Variants in TPR observed in about 807,000 individuals in gnomAD.
TPR encodes the protein nucleoprotein TPR.
Under a neutral mutation model 316.1 loss-of-function variants are expected in TPR, and 51 were observed. The observed-to-expected ratio is 0.16, with a 90% CI of 0.13 to 0.20. The LOEUF (loss-of-function observed/expected upper bound fraction) is 0.20. Ranked by LOEUF, TPR falls within the 10% of genes least tolerant of loss-of-function variation. The pLI is 1.00. For missense variants in TPR, 2,272 were observed against 2,754.8 expected, an observed-to-expected ratio of 0.82 and a Z score of 3.92; for synonymous variants, 981 against 914.7, an observed-to-expected ratio of 1.07 and a Z score of -1.31.
intron 12 of TPR, 46 bp downstream of exon 12, chr1:186,359,753 C>G: frequency 6.5e-7 from 1 of 1,538,664 alleles, no homozygotes; most frequent in South Asian, 1.3e-5. Context: ...TAAATCATTT[C>G]TCATTTGTAT....
intron 14 of TPR, among the ~76,000 whole-genome samples, chr1:186,356,886 T>C (rs1216937990): frequency 6.6e-6 from 1 of 152,190 alleles, no homozygotes; most frequent in Non-Finnish European, 1.5e-5. Flanking sequence ...CTAATCACAG[T>C]GAATGCAAAT....
chr1:186,357,737 C>A, intron 13 of TPR, 114 bp from the exon 14 acceptor site: 1 of 787,970 alleles, frequency 1.3e-6, no homozygotes, highest in South Asian at 2.1e-5. Flanking sequence ...ACTTGTACTG[C>A]CTCAAATTAT....
Position 186,375,120 on chromosome 1 carries a change from G to A in TPR, c.-92C>T, listed in dbSNP as rs2101999009. The A allele has an allele frequency of 6.4e-7, 1 of 1,564,552 alleles. No homozygotes were observed. Among genetic ancestry groups the A allele is most frequent in the Non-Finnish European group, 8.7e-7 (1 of 1,155,680 alleles). ...CCAGCAGGACCCAGACGCCTGGGCC[G>A]CCGCCTCTATCACCTCGCTCGGTGG... On this transcript the variant is annotated 5_prime_UTR_variant, in exon 1 of 51. Coordinates refer to ENST00000367478, the MANE Select transcript of TPR (RefSeq NM_003292.3).
chr1:186,320,662 C>T (rs1657751185), intron 45 of TPR, among the ~76,000 whole-genome samples: 1 of 152,162 alleles, frequency 6.6e-6, no homozygotes, highest in Non-Finnish European at 1.5e-5. Context: ...TTTCAGCTCT[C>T]CTGAACTATG....
At chr1:186,341,682 CT>C (rs1188915996) in intron 27 of TPR, 4 of 256,290 alleles carry the variant, frequency 1.6e-5, no homozygotes, top group East Asian at 8.1e-5. Flanking sequence ...CTTTCTGTAT[CT>C]TTTTTTCCTT....
chr1:186,336,797 G>C, intron 32 of TPR, 103 bp from the exon 33 acceptor site: 2 of 1,363,222 alleles, frequency 1.5e-6, no homozygotes, highest in Non-Finnish European at 9.9e-7. Flanking sequence ...CTTTTTAAAA[G>C]ATTAAATGGA....
rs754244299 is a variant in TPR, at chr1:186,355,685, G to A, written c.1972C>T (p.Pro658Ser). The A allele has an allele frequency of 2.5e-6, 4 of 1,614,126 alleles. No individual in the cohort carries two copies. The highest frequency in any genetic ancestry group is 3.3e-5 in the Admixed American group (2 of 60,018). ...SQTVSTPAPV[P>S]VIESTEAIEA... is the part of the protein sequence containing the mutation. ...ATAGCCTCTGTTGATTCAATAACAG[G>A]TACTGGAGCAGGAGTGGAAACAGTC... Residue 658 changes from proline to serine, a missense_variant, in exon 16 of 51, where the codon CCT becomes TCT. By Grantham distance (74) the Pro-to-Ser change is moderately conservative. Transcript: ENST00000367478.
chr1:186,331,174 A>G (rs1371457063), intron 39 of TPR, among the ~76,000 whole-genome samples: 1 of 152,128 alleles, frequency 6.6e-6, no homozygotes, highest in Non-Finnish European at 1.5e-5. Flanking sequence ...ATGGGGCACT[A>G]TAAATTAACT....
rs771277565 is a variant in TPR at position 186,360,775 on chromosome 1, T to C, written c.1089A>G (p.Thr363=). The change falls in exon 10 of 51, where the codon ACA becomes ACG. Residue 363 remains threonine, a synonymous_variant. Transcript: ENST00000367478. The stretch of plus-strand genomic sequence containing the variant: ...ATCTATTAGCCATACCTTTACGTTT[T>C]GTGGCAGAAAGAAGGTCATTTGCAT... ...LENANDLLSA[T]KRKGAILSEE... is the part of the protein sequence containing the mutation. 6 of 1,612,794 alleles carry C rather than the reference T, an allele frequency of 3.7e-6. No homozygotes were observed. Among genetic ancestry groups the C allele is most frequent in the Non-Finnish European group, 5.1e-6 (6 of 1,179,202 alleles).
rs765541521 is a variant in TPR, at chr1:186,352,055, C to T, written c.2390G>A (p.Arg797His). The change falls in exon 19 of 51, where the codon CGT becomes CAT. Residue 797 changes from arginine (R) to histidine (H), a missense_variant. By Grantham distance (29) the Arg-to-His change is conservative. Coordinates refer to ENST00000367478, the MANE Select transcript of TPR (RefSeq NM_003292.3). ...CAAAGACTCTCTTTGCTGAGAAAGA[C>T]GAACTTCAGACAATTTAAGCATTTC... is the stretch of plus-strand genomic sequence containing the variant. ...EKEMLKLSEVRLSQQRESLLA... is the reference protein window; with the variant it reads ...EKEMLKLSEVHLSQQRESLLA... 9.9e-6 allele frequency: 16 copies of T among 1,609,660 alleles called. No homozygotes were observed. Among genetic ancestry groups the T allele is most frequent in the African/African-American group, 1.3e-5 (1 of 74,770 alleles).
chr1:186,334,579 G>A, intron 35 of TPR, 46 bp from the exon 36 acceptor site: 1 of 1,558,576 alleles, frequency 6.4e-7, no homozygotes, highest in Non-Finnish European at 8.8e-7. Context: ...AAATTATTAT[G>A]CAAATACTTT....
intron 18 of TPR, 49 bp downstream of exon 18, chr1:186,353,639 T>TG (rs1468601344): frequency 1.3e-6 from 2 of 1,576,744 alleles, no homozygotes; most frequent in African/African-American, 2.7e-5. Context: ...ACTAAAGAAA[T>TG]GTCAAATGCA....
intron 33 of TPR, among the ~76,000 whole-genome samples, chr1:186,336,052 G>T (rs1198458820): frequency 6.6e-6 from 1 of 152,030 alleles, no homozygotes; most frequent in Admixed American, 6.6e-5. Flanking sequence ...GAGCCTTGAA[G>T]AACTAGGTTC....
chr1:186,355,420 C>T lies in TPR; in HGVS notation c.2161G>A (p.Ala721Thr), dbSNP rs759483323. 1 of 1,609,384 alleles carries T rather than the reference C, an allele frequency of 6.2e-7. No homozygotes were observed. The highest frequency in any genetic ancestry group is 8.5e-7 in the Non-Finnish European group (1 of 1,179,126). The change falls in exon 17 of 51, where the codon GCT becomes ACT. Residue 721 changes from alanine to threonine, a missense_variant. Physicochemically the swap from Ala to Thr is moderately conservative, Grantham distance 58. Around this residue, in one of 10 missense-constraint regions of TPR, gnomAD observed 757 missense variants for 859.8 expected, o/e 0.88. Transcript: ENST00000367478. ...CAAAAGAAAACTTACCGTTTAGAAG[C>T]AAAATCTAGCTGGGTAGAAATTTTG... ...NTKISTQLDF[A>T]SKRYEMLQDN...
At position 186,313,706 on chromosome 1, in the gene TPR, T is replaced by C. The variant is rs375456219; in HGVS notation, c.*265A>G. Reference sequence around the variant, plus strand: ...ATCAATACTATAACATTGATGTGCCTAGTAGAACAGCAAGAGCAATTACTA... The same window carrying C: ...ATCAATACTATAACATTGATGTGCCCAGTAGAACAGCAAGAGCAATTACTA... On this transcript the variant is annotated 3_prime_UTR_variant, in exon 51 of 51. Transcript: ENST00000367478. 3 of 1,606,772 alleles carry C rather than the reference T, an allele frequency of 1.9e-6. No homozygotes were observed. The highest frequency in any genetic ancestry group is 1.7e-5 in the Admixed American group (1 of 59,996).
intron 31 of TPR, among the ~76,000 whole-genome samples, 180 bp downstream of exon 31, chr1:186,337,853 A>T (rs988501555): frequency 6.6e-6 from 1 of 152,192 alleles, no homozygotes; most frequent in East Asian, 1.9e-4. Context: ...GTATTTACCA[A>T]AATTTGTGAG....
chr1:186,357,394 T>C lies in TPR; in HGVS notation c.1724+3A>G. On this transcript the variant is annotated splice_donor_region_variant and intron_variant, in intron 14 of 50. Coordinates refer to ENST00000367478, the MANE Select transcript of TPR (RefSeq NM_003292.3). ...CAACAAGCTGAGGTATGTGACTACT[T>C]ACTTGGATGAAGTTGTTTCTTGTTC... 2 of 1,613,442 alleles carry C rather than the reference T, an allele frequency of 1.2e-6. No homozygotes were observed. Among genetic ancestry groups the C allele is most frequent in the Non-Finnish European group, 1.7e-6 (2 of 1,179,724 alleles).
intron 15 of TPR, 86 bp downstream of exon 15, chr1:186,356,200 T>C: frequency 1.7e-6 from 2 of 1,200,570 alleles, no homozygotes; most frequent in South Asian, 3.6e-5. Flanking sequence ...CTACCATCAT[T>C]AGAGTGGCTA....
chr1:186,330,660 C>A (rs757731344), intron 39 of TPR, among the ~76,000 whole-genome samples: 1 of 152,110 alleles, frequency 6.6e-6, no homozygotes, highest in Non-Finnish European at 1.5e-5. Flanking sequence ...TAAAACCACA[C>A]CTGTCCCTGC....
Sources: allele counts gnomAD v4.1 joint callset (sites outside exome capture counted in the v4.1 genomes callset), GRCh38; gene constraint gnomAD v4.1.1; regional missense constraint gnomAD v4.1.1; transcripts MANE v1.5; gene names NCBI Gene and HGNC (gene_info 2026-07-23, HGNC 2026-07-21).